NDUFAB1: variants seen among roughly 807,000 people sequenced by gnomAD.
The protein encoded by NDUFAB1 is acyl carrier protein, mitochondrial.
In NDUFAB1, 5 loss-of-function variants were observed where a neutral mutation model predicts 16.1. That is an observed-to-expected ratio of 0.31 (90% CI 0.16 to 0.65). The LOEUF (loss-of-function observed/expected upper bound fraction) is 0.65, where lower values mean the gene tolerates loss of function less well. NDUFAB1 is among the 30% of genes least tolerant of loss of function. The pLI is 0.77. For missense variants in NDUFAB1, 187 were observed against 205.3 expected (o/e 0.91, Z 0.54); for synonymous variants, 85 against 78.4 (o/e 1.08, Z -0.44).
At chr16:23,595,345 T>C (rs1238012685) in intron 1 of NDUFAB1, 2 of 346,120 alleles carry the variant, frequency 5.8e-6, no homozygotes, top group Non-Finnish European at 1.1e-5. Flanking sequence ...GCTCAAGCTA[T>C]ATACTACAGG....
intron 1 of NDUFAB1, among the ~76,000 whole-genome samples, chr16:23,591,645 C>G (rs970194691): frequency 6.6e-6 from 1 of 152,180 alleles, no homozygotes; most frequent in Admixed American, 6.5e-5. Context: ...AGAATACCCA[C>G]AATTCCTCGC....
intron 3 of NDUFAB1, among the ~76,000 whole-genome samples, chr16:23,583,865 C>T (rs1355609949): frequency 6.6e-6 from 1 of 152,130 alleles, no homozygotes; most frequent in Non-Finnish European, 1.5e-5. Context: ...GTTGCTGTGT[C>T]TGTGTAGAAA....
intron 2 of NDUFAB1, 100 bp downstream of exon 2, chr16:23,587,097 G>T: frequency 8.1e-7 from 1 of 1,231,582 alleles, no homozygotes; most frequent in Non-Finnish European, 1.1e-6. Context: ...GTGTCTGGGA[G>T]CCAGGGAGAT....
intron 1 of NDUFAB1, among the ~76,000 whole-genome samples, chr16:23,591,997 C>G (rs1003450123): frequency 1.3e-5 from 2 of 152,176 alleles, no homozygotes; most frequent in Admixed American, 6.5e-5. Flanking sequence ...TGGAAAAGAC[C>G]AATCCACAGA....
At chr16:23,595,303 C>A in intron 1 of NDUFAB1, 1 of 295,360 alleles carries the variant, frequency 3.4e-6, no homozygotes, top group Non-Finnish European at 6.7e-6. Context: ...ATCACTGCCT[C>A]CCGGCGTTTC....
rs536792969 is a variant in NDUFAB1 at position 23,583,752 on chromosome 16, G to C, written c.380-1377C>G. Among the ~76,000 whole-genome samples, 276 of 151,790 alleles carry C rather than the reference G, an allele frequency of 1.8e-3. 7 individuals carry two copies. The highest frequency in any genetic ancestry group is 2.5e-3 in the Non-Finnish European group (170 of 67,932). On this transcript the variant is annotated intron_variant, in intron 3 of 4. Transcript: ENST00000007516. ...CTCCGCCCGGCAGCCGCCCCGTCAG[G>C]GAGGTGTACCCAACAGCTCATTGAG...
At chr16:23,587,937 A>T (rs983385621) in intron 1 of NDUFAB1, among the ~76,000 whole-genome samples, 1 of 152,258 alleles carries the variant, frequency 6.6e-6, no homozygotes, top group African/African-American at 2.4e-5. Flanking sequence ...CATGGCCACC[A>T]GCCAAACCAT....
intron 1 of NDUFAB1, among the ~76,000 whole-genome samples, chr16:23,594,737 C>T (rs1487007788): frequency 6.6e-6 from 1 of 151,962 alleles, no homozygotes; most frequent in Non-Finnish European, 1.5e-5. Context: ...ATTCGCCCGC[C>T]TCGGCCTCCC....
intron 1 of NDUFAB1, among the ~76,000 whole-genome samples, chr16:23,590,642 T>TC (rs1567409186): frequency 1.3e-5 from 2 of 150,166 alleles, no homozygotes; most frequent in Non-Finnish European, 3.0e-5. Flanking sequence ...TGGTCTCTTT[T>TC]TTTTTTTTTT....
chr16:23,584,423 G>T (rs460905), intron 3 of NDUFAB1, among the ~76,000 whole-genome samples: 2 of 150,670 alleles, frequency 1.3e-5, no homozygotes, highest in African/African-American at 4.9e-5. Context: ...TCTTTCACTC[G>T]GCACGTTCTC....
At chr16:23,584,125 G>A (rs958252148) in intron 3 of NDUFAB1, among the ~76,000 whole-genome samples, 9 of 151,102 alleles carry the variant, frequency 6.0e-5, no homozygotes, top group Admixed American at 2.0e-4. Context: ...CACTGCGGAA[G>A]GCCCCAGGGT....
intron 4 of NDUFAB1, among the ~76,000 whole-genome samples, chr16:23,581,546 T>TAAA (rs60306232): frequency 1.6e-5 from 2 of 123,008 alleles, no homozygotes; most frequent in Admixed American, 8.5e-5. Context: ...GTTCCATCTT[T>TAAA]AAAAAAAAAA....
At position 23,585,333 on chromosome 16, in the gene NDUFAB1, T is replaced by C. The variant is rs1180050817; in HGVS notation, c.379+3A>G. The C allele has an allele frequency of 6.2e-7, 1 of 1,606,244 alleles. No individual in the cohort carries two copies. Among genetic ancestry groups the C allele is most frequent in the East Asian group, 2.2e-5 (1 of 44,850 alleles). The stretch of plus-strand genomic sequence containing the variant: ...AGTGTGTAGATAGAAGACTGAGCCT[T>C]ACCAAATTCGTCTTCCATGGCCATG... On this transcript the variant is annotated splice_donor_region_variant and intron_variant, in intron 3 of 4. Transcript: ENST00000007516.
rs200212772 is a variant in NDUFAB1, at chr16:23,596,254, G to C, written c.37C>G (p.Leu13Val). 2.6e-5 allele frequency: 41 copies of C among 1,596,952 alleles called. No individual in the cohort carries two copies. In the African/African-American group the frequency reaches 5.4e-4, roughly 21 times the overall value. The change falls in exon 1 of 5, where the codon CTG becomes GTG. Residue 13 changes from leucine to valine, a missense_variant. Physicochemically the swap from Leu to Val is conservative, Grantham distance 32. Transcript: ENST00000007516. Reference protein sequence around the residue: ...SRVLSAYVSRLPAAFAPLPRV... With the variant: ...SRVLSAYVSRVPAAFAPLPRV... ...GGCAGCGGCGCAAAGGCCGCGGGCAGGCGGCTGACATAGGCTGAAAGGACA... is the reference window on the plus strand; with the variant it reads ...GGCAGCGGCGCAAAGGCCGCGGGCACGCGGCTGACATAGGCTGAAAGGACA...
chr16:23,588,223 G>A (rs992214570), intron 1 of NDUFAB1, among the ~76,000 whole-genome samples: 8 of 152,320 alleles, frequency 5.3e-5, no homozygotes, highest in East Asian at 3.9e-4. Context: ...GGGAGGCCAC[G>A]GTGAGCAGAT....
Position 23,592,340 on chromosome 16 carries a change from G to GAA in NDUFAB1, c.168+3781_168+3782dup, listed in dbSNP as rs941048329. On this transcript the variant is annotated intron_variant, in intron 1 of 4. Transcript: ENST00000007516. ...GCCTAAGTGACAGAGACCTTGTCTGGAAAAAAAAAAAAAAAAAAAGTCATG... is the reference window on the plus strand; with the variant it reads ...GCCTAAGTGACAGAGACCTTGTCTGGAAAAAAAAAAAAAAAAAAAAAGTCATG... 6.8e-4 allele frequency among the ~76,000 whole-genome samples: 82 copies of GAA among 120,632 alleles called. 1 individual carries two copies. The highest frequency in any genetic ancestry group is 9.0e-4 in the Non-Finnish European group (51 of 56,642). 79.1% of individuals were successfully genotyped at this position (120,632 alleles called of 152,430 possible). A position where few individuals can be genotyped will look rare whatever the true frequency, so the allele number is the denominator to read the frequency against.
intron 1 of NDUFAB1, among the ~76,000 whole-genome samples, chr16:23,589,841 TG>T (rs997106746): frequency 6.9e-6 from 1 of 145,788 alleles, no homozygotes; most frequent in Non-Finnish European, 1.5e-5. Context: ...GAGGCTGAAG[TG>T]GGAGGATCAC....
At chr16:23,593,413 GT>G (rs1966296006) in intron 1 of NDUFAB1, among the ~76,000 whole-genome samples, 1 of 152,216 alleles carries the variant, frequency 6.6e-6, no homozygotes, top group Non-Finnish European at 1.5e-5. Context: ...CAATGAAGAT[GT>G]AAGCTAATGT....
rs1388686546 is a variant in NDUFAB1 at position 23,582,344 on chromosome 16, C to G, written c.411G>C (p.Lys137Asn). ...GFEIPDIDAE[K>N]LMCPQEIVDY... ...CTACAATTTCTTGTGGACACATTAA[C>G]TTTTCAGCATCTATATCAGGAATTT... Residue 137 changes from lysine (K) to asparagine (N), a missense_variant, in exon 4 of 5, where the codon AAG (lysine) becomes AAC (asparagine). Physicochemically the swap from Lys to Asn is moderately conservative, Grantham distance 94 (BLOSUM62 0). Around this residue, in one of 3 missense-constraint regions of NDUFAB1, gnomAD observed 32 missense variants for 28.8 expected, o/e 1.11. Coordinates refer to ENST00000007516, the MANE Select transcript of NDUFAB1 (RefSeq NM_005003.3). 8 of 1,580,206 alleles carry G rather than the reference C, an allele frequency of 5.1e-6. No homozygotes were observed. In the East Asian group the frequency reaches 6.8e-5, roughly 13 times the overall value.
Sources: gnomAD v4.1 joint callset for allele counts (sites outside exome capture counted in the v4.1 genomes callset) on GRCh38, gnomAD v4.1.1 for gene constraint, gnomAD v4.1.1 regional missense constraint, MANE v1.5 for transcripts, NCBI Gene and HGNC (gene_info 2026-07-23, HGNC 2026-07-21) for gene names.